Variants in DYNLL1 observed in about 807,000 individuals in gnomAD.
The protein encoded by DYNLL1 is dynein light chain 1, cytoplasmic.
Under a neutral mutation model 10.1 loss-of-function variants are expected in DYNLL1, and 3 were observed. That is an observed-to-expected ratio of 0.30 (90% CI 0.14 to 0.77). DYNLL1 has a LOEUF of 0.77. Ranked by LOEUF, DYNLL1 falls within the 30% of genes least tolerant of loss-of-function variation. DYNLL1 has a pLI of 0.66. For missense variants in DYNLL1, 47 were observed against 111.7 expected (o/e 0.42, Z 2.61); for synonymous variants, 46 against 41.2 (o/e 1.12, Z -0.45).
intron 1 of DYNLL1, among the ~76,000 whole-genome samples, chr12:120,475,155 T>C (rs545143200): frequency 8.7e-4 from 133 of 152,226 alleles, no homozygotes; most frequent in Admixed American, 1.5e-3. Flanking sequence ...TTTCAGAGAC[T>C]GCAAAAAATC....
chr12:120,476,747 G>A (rs1200689354), intron 1 of DYNLL1, among the ~76,000 whole-genome samples: 1 of 151,862 alleles, frequency 6.6e-6, no homozygotes, highest in Non-Finnish European at 1.5e-5. Context: ...GAGTAGCTGG[G>A]ATTACAGGCA....
intron 1 of DYNLL1, among the ~76,000 whole-genome samples, chr12:120,485,911 TG>T (rs1235015101): frequency 6.6e-6 from 1 of 151,794 alleles, no homozygotes; most frequent in Non-Finnish European, 1.5e-5. Flanking sequence ...TGTTCTTATC[TG>T]TAGACTGGAT....
chr12:120,496,744 T>TG, intron 2 of DYNLL1, 191 bp downstream of exon 2: 1 of 582,938 alleles, frequency 1.7e-6, no homozygotes, highest in East Asian at 3.7e-5. Flanking sequence ...GTCCGAAGTT[T>TG]TTTTTTTTTT....
chr12:120,486,716 C>T (rs1464332492), intron 1 of DYNLL1, among the ~76,000 whole-genome samples: 2 of 152,094 alleles, frequency 1.3e-5, no homozygotes, highest in Non-Finnish European at 2.9e-5. Context: ...AAGGCATCCT[C>T]CTGCCTTAGC....
chr12:120,483,127 C>T (rs535199764), intron 1 of DYNLL1, among the ~76,000 whole-genome samples: 1 of 152,026 alleles, frequency 6.6e-6, no homozygotes, highest in East Asian at 1.9e-4. Context: ...ATCACAAGGT[C>T]AGGAGTTTGA....
In DYNLL1 at chr12:120,477,605, AAAAT is replaced by A. The variant is rs556386368; in HGVS notation, c.-7+7517_-7+7520del. Among the ~76,000 whole-genome samples, 64 of 151,812 alleles carry A rather than the reference AAAAT, an allele frequency of 4.2e-4. 1 individual carries two copies. Among genetic ancestry groups the A allele is most frequent in the Admixed American group, 4.2e-3 (64 of 15,226 alleles). Reference sequence around the variant, plus strand: ...TCTCTACAAAAAAAATAAATAAATAAAAATAAATAAATAAATAAAAAAAGCTGGG... The same window carrying A: ...TCTCTACAAAAAAAATAAATAAATAAAAATAAATAAATAAAAAAAGCTGGG... On this transcript the variant is annotated intron_variant, in intron 1 of 2. Coordinates refer to the DYNLL1 transcript ENST00000392509.
intron 1 of DYNLL1, among the ~76,000 whole-genome samples, chr12:120,480,524 G>C (rs1878857773): frequency 6.6e-6 from 1 of 152,130 alleles, no homozygotes; most frequent in Non-Finnish European, 1.5e-5. Flanking sequence ...GGAAGCCTGT[G>C]TCCCTTTCCT....
upstream of DYNLL1, among the ~76,000 whole-genome samples, chr12:120,492,358 T>A (rs370774389): frequency 2.0e-4 from 31 of 152,224 alleles, no homozygotes; most frequent in South Asian, 3.5e-3. This position sits in a 1 kb window ranked among gnomAD's most constrained non-coding sequence, Gnocchi z 4.1. Flanking sequence ...ACCTGAAGTC[T>A]GGAGTTCGAG....
At chr12:120,476,700 C>T (rs186148826) in intron 1 of DYNLL1, among the ~76,000 whole-genome samples, 192 of 152,198 alleles carry the variant, frequency 1.3e-3, no homozygotes, top group African/African-American at 4.5e-3. Context: ...CAACCTCCGC[C>T]TCCCAGGTTC....
At chr12:120,496,857 A>G in intron 2 of DYNLL1, 1 of 560,566 alleles carries the variant, frequency 1.8e-6, no homozygotes, top group East Asian at 3.0e-5. Flanking sequence ...TGCGCCGAGG[A>G]TCCATCTGGG....
chr12:120,470,712 C>T (rs1199237617), intron 1 of DYNLL1, among the ~76,000 whole-genome samples: 1 of 151,600 alleles, frequency 6.6e-6, no homozygotes, highest in Non-Finnish European at 1.5e-5. Context: ...GTTGGATTAC[C>T]GGCTTGAGCC....
In DYNLL1 at chr12:120,498,416, T is replaced by G; in HGVS notation, c.*206T>G. The G allele has an allele frequency of 1.9e-6, 1 of 515,422 alleles. No homozygotes were observed. Among genetic ancestry groups the G allele is most frequent in the Non-Finnish European group, 3.2e-6 (1 of 313,708 alleles). The allele number at this position is 515,422 out of a possible 1,614,324, so 31.9% of individuals were successfully genotyped here. On this transcript the variant is annotated 3_prime_UTR_variant, in exon 3 of 3. Coordinates refer to ENST00000242577, the MANE Select transcript of DYNLL1 (RefSeq NM_003746.3). ...GCAGAATAGCCTACATTTGTATTTA[T>G]TTTCTATTCCATACTTCTGCCCACG...
upstream of DYNLL1, chr12:120,495,989 A>C (rs1710132): frequency 3.8e-6 from 1 of 262,826 alleles, no homozygotes; most frequent in Non-Finnish European, 7.4e-6. Context: ...CATGGAGTCA[A>C]TGGACCAATG....
At chr12:120,477,589 AAAAAATAAATAAAT>A (rs1415383437) in intron 1 of DYNLL1, among the ~76,000 whole-genome samples, 2 of 151,906 alleles carry the variant, frequency 1.3e-5, no homozygotes, top group Admixed American at 6.6e-5. Context: ...GTCTCTACAA[AAAAAATAAATAAAT>A]AAAAATAAAT....
At chr12:120,486,111 A>G (rs1878988412) in intron 1 of DYNLL1, among the ~76,000 whole-genome samples, 1 of 152,214 alleles carries the variant, frequency 6.6e-6, no homozygotes, top group South Asian at 2.1e-4. Context: ...TGGCTGTGAC[A>G]TTGAGTTTGA....
chr12:120,471,175 C>T (rs1878641425), intron 1 of DYNLL1, among the ~76,000 whole-genome samples: 1 of 151,590 alleles, frequency 6.6e-6, no homozygotes, highest in African/African-American at 2.4e-5. Context: ...ACCAGCCTGG[C>T]CAACATGGCA....
At chr12:120,485,376 C>T (rs1235594356) in intron 1 of DYNLL1, among the ~76,000 whole-genome samples, 1 of 151,746 alleles carries the variant, frequency 6.6e-6, no homozygotes, top group African/African-American at 2.4e-5. Context: ...CTGCCTCACC[C>T]TCCCAAGTAG....
chr12:120,483,280 G>T (rs1442268542), intron 1 of DYNLL1, among the ~76,000 whole-genome samples: 3 of 151,604 alleles, frequency 2.0e-5, no homozygotes, highest in African/African-American at 7.3e-5. Flanking sequence ...GGAGGCTGCA[G>T]TGAGCTGAGA....
upstream of DYNLL1, among the ~76,000 whole-genome samples, chr12:120,494,291 T>C (rs1198311262): frequency 7.2e-6 from 1 of 139,464 alleles, no homozygotes; most frequent in Admixed American, 7.1e-5. Flanking sequence ...ATTTTTTTCC[T>C]TTTTTTTTTT....
Sources: allele counts gnomAD v4.1 joint callset (sites outside exome capture counted in the v4.1 genomes callset), GRCh38; gene constraint gnomAD v4.1.1; non-coding constraint Gnocchi (gnomAD v3.1); transcripts MANE v1.5; gene names NCBI Gene and HGNC (gene_info 2026-07-23, HGNC 2026-07-21).